UGT1A10: variants seen among roughly 807,000 people sequenced by gnomAD.
The protein encoded by UGT1A10 is UDP glucuronosyltransferase family 1 member A10, also known as UDP-glucuronosyltransferase 1A10.
UGT1A10 carries 49 observed loss-of-function variants against 45.8 expected under a neutral mutation model. The observed-to-expected ratio is 1.07, with a 90% CI of 0.85 to 1.36. UGT1A10 has a LOEUF of 1.36. Among genes scored for constraint, UGT1A10 ranks in the 40% most tolerant of loss-of-function variants. The pLI is 0.00. For synonymous variants in UGT1A10, 284 were observed against 249.7 expected (o/e 1.14, Z -1.29); for missense variants, 745 against 668.6 (o/e 1.11, Z -1.26).
intron 1 of UGT1A10, chr2:233,692,770 A>T (rs1187412546): frequency 7.8e-7 from 1 of 1,276,410 alleles, no homozygotes; most frequent in African/African-American, 1.5e-5. Context: ...GAAGAGAAAC[A>T]CCCAGAAGCT....
At chr2:233,693,015 T>C in intron 1 of UGT1A10, 2 of 1,614,174 alleles carry the variant, frequency 1.2e-6, no homozygotes, top group Non-Finnish European at 1.7e-6. Flanking sequence ...ATGGCCTGCC[T>C]CCTTCGCTCA....
intron 1 of UGT1A10, chr2:233,747,152 G>T: frequency 1.3e-6 from 2 of 1,577,610 alleles, no homozygotes; most frequent in Non-Finnish European, 1.7e-6. Flanking sequence ...TTAAGATGAA[G>T]AAAACAAATG....
In UGT1A10 at chr2:233,772,482, T is replaced by G. The variant is rs780493798; in HGVS notation, c.1516T>G (p.Cys506Gly). Residue 506 changes from cysteine to glycine, a missense_variant, in exon 5 of 5, where the codon TGT becomes GGT. Transcript: ENST00000344644. ...GACAGTGGCCTTCATCACCTTTAAATGTTGTGCTTATGGCTACCGGAAATG... is the reference window on the plus strand; with the variant it reads ...GACAGTGGCCTTCATCACCTTTAAAGGTTGTGCTTATGGCTACCGGAAATG... Reference protein sequence around the residue: ...VLTVAFITFKCCAYGYRKCLG... With the variant: ...VLTVAFITFKGCAYGYRKCLG... 5.0e-6 allele frequency: 8 copies of G among 1,614,124 alleles called. No homozygotes were observed. The Admixed American group carries it at 1.3e-4, about 27-fold the overall frequency.
Position 233,765,258 on chromosome 2 carries a change from A to G in UGT1A10, c.856-1776A>G, listed in dbSNP as rs28900400. On this transcript the variant is annotated intron_variant, in intron 1 of 4. Coordinates refer to ENST00000344644, the MANE Select transcript of UGT1A10 (RefSeq NM_019075.4). ...AGACTCAGTAATCCCATTACTGGGT[A>G]TATACCCAAAGAAATATAAATTATT... Among the ~76,000 whole-genome samples, 1,446 of 152,334 alleles carry G rather than the reference A, an allele frequency of 9.5e-3. 33 individuals carry two copies. Among genetic ancestry groups the G allele is most frequent in the African/African-American group, 0.033 (1,355 of 41,576 alleles).
intron 1 of UGT1A10, among the ~76,000 whole-genome samples, chr2:233,684,283 T>C (rs982969534): frequency 6.6e-6 from 1 of 152,174 alleles, no homozygotes; most frequent in African/African-American, 2.4e-5. Flanking sequence ...AAACATGACT[T>C]TCAGCTCTTG....
chr2:233,747,129 A>G, intron 1 of UGT1A10: 1 of 1,518,564 alleles, frequency 6.6e-7, no homozygotes, highest in Non-Finnish European at 8.9e-7. Flanking sequence ...TAAGTGGCTC[A>G]GTGACAAGGT....
intron 1 of UGT1A10, among the ~76,000 whole-genome samples, chr2:233,683,434 TAAG>T (rs2074633803): frequency 6.6e-6 from 1 of 152,172 alleles, no homozygotes; most frequent in African/African-American, 2.4e-5. Flanking sequence ...TGAGCAATAA[TAAG>T]AATTCTTGTA....
At chr2:233,744,078 C>T (rs1450419320) in intron 1 of UGT1A10, 2 of 455,950 alleles carry the variant, frequency 4.4e-6, no homozygotes, top group Non-Finnish European at 7.4e-6. Context: ...CGCCTCGCAT[C>T]CCAAGATGCA....
chr2:233,725,993 G>C (rs28899191), intron 1 of UGT1A10, among the ~76,000 whole-genome samples: 10,378 of 151,980 alleles, frequency 0.068, 500 homozygotes, highest in East Asian at 0.2. Flanking sequence ...TGCTGAGACT[G>C]CATCTCTACA....
chr2:233,636,598 G>A lies in UGT1A10; in HGVS notation c.76G>A (p.Gly26Arg), dbSNP rs752375844. Reference protein sequence around the residue: ...LLLTCGFAEAGKLLVVPMDGS... With the variant: ...LLLTCGFAEARKLLVVPMDGS... ...GCTGACCTGTGGCTTTGCCGAGGCA[G>A]GGAAGCTGCTGGTAGTGCCCATGGA... The change falls in exon 1 of 5, where the codon GGG becomes AGG. Residue 26 changes from glycine to arginine, a missense_variant. Gly to Arg is a moderately radical substitution (Grantham distance 125). Transcript: ENST00000344644. 7 of 1,614,198 alleles carry A rather than the reference G, an allele frequency of 4.3e-6. No individual in the cohort carries two copies. The Admixed American group carries it at 1.2e-4, about 27-fold the overall frequency.
chr2:233,707,103 C>T (rs1046537391), intron 1 of UGT1A10, among the ~76,000 whole-genome samples: 2 of 152,060 alleles, frequency 1.3e-5, no homozygotes, highest in Non-Finnish European at 1.5e-5. Flanking sequence ...AGCTGAGGGA[C>T]CCCCAAAATA....
At chr2:233,647,925 A>G (rs2125472337) in intron 1 of UGT1A10, 1 of 1,602,188 alleles carries the variant, frequency 6.2e-7, no homozygotes, top group Middle Eastern at 2.1e-4. Flanking sequence ...TAGATCACTC[A>G]CTGCCCATGG....
chr2:233,714,694 G>A (rs187411884), intron 1 of UGT1A10, among the ~76,000 whole-genome samples: 374 of 152,256 alleles, frequency 2.5e-3, no homozygotes, highest in Non-Finnish European at 4.0e-3. Flanking sequence ...TTCAACATGT[G>A]AACTGTTTAA....
intron 1 of UGT1A10, among the ~76,000 whole-genome samples, chr2:233,722,230 A>G (rs868083923): frequency 2.0e-5 from 3 of 152,346 alleles, no homozygotes; most frequent in Middle Eastern, 3.4e-3. Context: ...CAAAATCTTT[A>G]TCATGTATTA....
rs1029804751 is a variant in UGT1A10, at chr2:233,760,707, G to A, written c.856-6327G>A. ...ACAACAAGGAGCTCATGGCCTCCCT[G>A]GCAGAAAGCAGCTTTGATGTCATGC... On this transcript the variant is annotated intron_variant, in intron 1 of 4. Transcript: ENST00000344644. 6.8e-6 allele frequency: 11 copies of A among 1,614,064 alleles called. No individual in the cohort carries two copies. The East Asian group carries it at 8.9e-5, about 13-fold the overall frequency.
chr2:233,762,804 C>T (rs1698168354), intron 1 of UGT1A10, among the ~76,000 whole-genome samples: 1 of 151,574 alleles, frequency 6.6e-6, no homozygotes, highest in African/African-American at 2.4e-5. Context: ...TCAGCTATCT[C>T]ATCAAAATAT....
intron 1 of UGT1A10, among the ~76,000 whole-genome samples, chr2:233,717,364 C>CA (rs1417907473): frequency 6.6e-6 from 1 of 152,218 alleles, no homozygotes; most frequent in Admixed American, 6.5e-5. Flanking sequence ...GGGGAGTTCT[C>CA]AAGCCCTTAC....
intron 1 of UGT1A10, among the ~76,000 whole-genome samples, chr2:233,732,578 C>T (rs902333577): frequency 6.6e-6 from 1 of 152,146 alleles, no homozygotes; most frequent in Non-Finnish European, 1.5e-5. Context: ...TTCCCCATTG[C>T]TTGTTTTTGT....
chr2:233,755,095 C>A, intron 1 of UGT1A10: 1 of 1,334,726 alleles, frequency 7.5e-7, no homozygotes, highest in Non-Finnish European at 1.0e-6. Context: ...CGTTTCTACG[C>A]GTCCGACAAC....
Sources: allele counts gnomAD v4.1 joint callset (sites outside exome capture counted in the v4.1 genomes callset), GRCh38; gene constraint gnomAD v4.1.1; transcripts MANE v1.5; gene names NCBI Gene and HGNC (gene_info 2026-07-23, HGNC 2026-07-21).